Variants in SGCZ observed in about 807,000 individuals in gnomAD.
SGCZ encodes the protein zeta-sarcoglycan.
Under a neutral mutation model 41.3 loss-of-function variants are expected in SGCZ, and 40 were observed. That is an observed-to-expected ratio of 0.97 (90% confidence interval 0.75 to 1.26). The LOEUF is 1.26. Ranked by LOEUF, SGCZ falls within the 50% of genes most tolerant of loss-of-function variation. The pLI, the probability that SGCZ is intolerant of heterozygous loss-of-function variation, is 0.00. For synonymous variants in SGCZ, 206 were observed against 137.5 expected, an observed-to-expected ratio of 1.50 and a Z score of -3.49; for missense variants, 552 against 369.8, an observed-to-expected ratio of 1.49 and a Z score of -4.04.
intron 1 of SGCZ, among the ~76,000 whole-genome samples, chr8:14,575,125 T>C (rs1804668169): frequency 1.3e-5 from 2 of 152,204 alleles, no homozygotes; most frequent in Non-Finnish European, 2.9e-5. Context: ...AATAAATTTG[T>C]GTTCATTAGT....
At position 14,608,174 on chromosome 8, in the gene SGCZ, C is replaced by T. The variant is rs115441417; in HGVS notation, c.40-53248G>A. 4.2e-3 allele frequency among the ~76,000 whole-genome samples: 636 copies of T among 151,076 alleles called. 6 individuals are homozygous for T. Among genetic ancestry groups the T allele is most frequent in the African/African-American group, 0.015 (613 of 41,278 alleles). On this transcript the variant is annotated intron_variant, in intron 1 of 7. Coordinates refer to ENST00000382080, the MANE Select transcript of SGCZ (RefSeq NM_139167.4). ...TGGACTGCTTTTTAAAAATGAAGCG[C>T]CAAAACTCTCCATAAGGTGGAATGA...
chr8:14,943,019 T>A (rs1800327701), intron 1 of SGCZ, among the ~76,000 whole-genome samples: 1 of 152,178 alleles, frequency 6.6e-6, no homozygotes, highest in South Asian at 2.1e-4. Context: ...CTCTTACATT[T>A]TCTAACTGTG....
chr8:14,545,032 C>T (rs1803581921), intron 2 of SGCZ, among the ~76,000 whole-genome samples: 1 of 152,112 alleles, frequency 6.6e-6, no homozygotes, highest in Admixed American at 6.5e-5. Flanking sequence ...AGCATCAAGT[C>T]CTACAGATAT....
intron 3 of SGCZ, among the ~76,000 whole-genome samples, chr8:14,297,787 A>G (rs1801063014): frequency 6.6e-6 from 1 of 152,102 alleles, no homozygotes; most frequent in African/African-American, 2.4e-5. Context: ...AAACCTTATC[A>G]ATAATGAAAA....
intron 2 of SGCZ, among the ~76,000 whole-genome samples, chr8:14,535,552 G>T (rs1461847): frequency 6.6e-6 from 1 of 151,842 alleles, no homozygotes; most frequent in Non-Finnish European, 1.5e-5. Context: ...CAACTTAAAT[G>T]TGTAGGAAAC....
rs1267725340 is a variant in SGCZ at position 14,708,156 on chromosome 8, A to G, written c.40-153230T>C. 5.9e-5 allele frequency among the ~76,000 whole-genome samples: 9 copies of G among 152,074 alleles called. No individual in the cohort carries two copies. In the Middle Eastern group the frequency reaches 0.01, roughly 174 times the overall value. ...ATTTTAATTAAATTATATTTTAATT[A>G]GACTTTCAATTTTCATTCGATTTTG... On this transcript the variant is annotated intron_variant, in intron 1 of 7. Transcript: ENST00000382080.
chr8:14,914,108 A>C (rs1482714481), intron 1 of SGCZ, among the ~76,000 whole-genome samples: 1 of 151,996 alleles, frequency 6.6e-6, no homozygotes, highest in Non-Finnish European at 1.5e-5. Flanking sequence ...ATTACTCAGA[A>C]ATAAACACTT....
chr8:15,005,328 C>CTTTTTTTTT (rs10603664), intron 1 of SGCZ, among the ~76,000 whole-genome samples: 5 of 78,724 alleles, frequency 6.4e-5, no homozygotes, highest in Admixed American at 1.4e-4. Flanking sequence ...TTTTCTTTTT[C>CTTTTTTTTT]TTTTTTTTTT....
chr8:14,507,231 G>A (rs186164369), intron 2 of SGCZ, among the ~76,000 whole-genome samples: 11 of 149,678 alleles, frequency 7.3e-5, no homozygotes, highest in South Asian at 6.3e-4. Flanking sequence ...GTAGCCATTC[G>A]CACCAGCACT....
chr8:14,286,333 A>G (rs537882719), intron 3 of SGCZ, among the ~76,000 whole-genome samples: 32 of 152,108 alleles, frequency 2.1e-4, no homozygotes, highest in Non-Finnish European at 4.3e-4. Context: ...TCCAACTAGC[A>G]TAGTTACAAA....
intron 2 of SGCZ, among the ~76,000 whole-genome samples, chr8:14,345,012 G>A (rs963661260): frequency 1.3e-5 from 2 of 151,898 alleles, no homozygotes; most frequent in Admixed American, 1.3e-4. Flanking sequence ...ATAAATACAA[G>A]TAAATGCAAA....
intron 1 of SGCZ, among the ~76,000 whole-genome samples, chr8:14,687,925 G>T (rs997773441): frequency 2.1e-4 from 32 of 152,214 alleles, no homozygotes; most frequent in East Asian, 5.8e-4. Context: ...TGGTTTTGAT[G>T]TGCATTTCTC....
Position 14,146,893 on chromosome 8 carries a change from T to TAA in SGCZ, c.547+17685_547+17686dup, listed in dbSNP as rs1276288518. Among the ~76,000 whole-genome samples, 22 of 132,326 alleles carry TAA rather than the reference T, an allele frequency of 1.7e-4. 1 individual carries two copies. In the East Asian group the frequency reaches 3.2e-3, roughly 19 times the overall value. The allele number at this position is 132,326 out of a possible 152,430, so 86.8% of individuals were successfully genotyped here. On this transcript the variant is annotated intron_variant, in intron 5 of 7. Coordinates refer to ENST00000382080, the MANE Select transcript of SGCZ (RefSeq NM_139167.4). ...TCTCAAAAAATAAAAATAAAAAAAATAATAATAATAATAACTACAGCAACT... is the reference window on the plus strand; with the variant it reads ...TCTCAAAAAATAAAAATAAAAAAAATAAAATAATAATAATAACTACAGCAACT...
intron 1 of SGCZ, among the ~76,000 whole-genome samples, chr8:15,182,906 T>A (rs1800219919): frequency 6.6e-6 from 1 of 152,254 alleles, no homozygotes. Flanking sequence ...TCTTTATATC[T>A]TTAAGCTTTT....
intron 2 of SGCZ, among the ~76,000 whole-genome samples, chr8:14,393,067 C>G (rs1804833931): frequency 6.6e-6 from 1 of 151,972 alleles, no homozygotes; most frequent in Non-Finnish European, 1.5e-5. Context: ...ATATGAAAGG[C>G]ACGTATAAAG....
intron 1 of SGCZ, among the ~76,000 whole-genome samples, chr8:15,025,294 A>AT (rs559300184): frequency 3.9e-5 from 6 of 151,940 alleles, no homozygotes; most frequent in Non-Finnish European, 8.8e-5. Context: ...GAAGTGCTGT[A>AT]TTTTTTTTCT....
intron 1 of SGCZ, among the ~76,000 whole-genome samples, chr8:14,609,094 T>C (rs1436403206): frequency 6.6e-6 from 1 of 152,208 alleles, no homozygotes; most frequent in African/African-American, 2.4e-5. Flanking sequence ...TTTTAAACCT[T>C]TTAGTTAATT....
chr8:14,685,287 G>A (rs1808576067), intron 1 of SGCZ, among the ~76,000 whole-genome samples: 2 of 151,830 alleles, frequency 1.3e-5, no homozygotes, highest in Admixed American at 1.3e-4. Context: ...ATTTTGGGGT[G>A]GACATTTCCA....
intron 3 of SGCZ, among the ~76,000 whole-genome samples, chr8:14,249,418 T>C (rs1408388927): frequency 1.3e-5 from 2 of 152,064 alleles, no homozygotes; most frequent in Admixed American, 1.3e-4. Context: ...TTATAATAAA[T>C]CTCTTTATTT....
Sources: allele counts gnomAD v4.1 joint callset (sites outside exome capture counted in the v4.1 genomes callset), GRCh38; gene constraint gnomAD v4.1.1; transcripts MANE v1.5; gene names NCBI Gene and HGNC (gene_info 2026-07-23, HGNC 2026-07-21).